Variants in FASN observed in about 807,000 individuals in gnomAD.
FASN encodes the protein 3-hydroxyacyl-[acyl-carrier-protein] dehydratase.
Under a neutral mutation model 250.0 loss-of-function variants are expected in FASN, and 50 were observed. That is an observed-to-expected ratio of 0.20 (90% CI 0.16 to 0.25). The LOEUF is 0.25. Ranked by LOEUF, FASN falls within the 10% of genes least tolerant of loss-of-function variation. FASN has a pLI of 1.00. For missense variants in FASN, 3,031 were observed against 3,498.5 expected (o/e 0.87, Z 3.37); for synonymous variants, 1,909 against 1,584.0 (o/e 1.21, Z -4.87).
At chr17:82,098,012 G>C (rs867510633) in intron 1 of FASN, 109 bp downstream of exon 1, 19 of 303,770 alleles carry the variant, frequency 6.3e-5, no homozygotes, top group Non-Finnish European at 9.7e-5. Context: ...TACGGGGCCG[G>C]GCCACGCGCG....
At chr17:82,096,987 G>A (rs528663696) in intron 1 of FASN, 123 of 238,060 alleles carry the variant, frequency 5.2e-4, no homozygotes, top group South Asian at 1.7e-3. Flanking sequence ...CCTAGAGGGG[G>A]GTACTCAGCA....
At chr17:82,088,589 ACACCCGT>A in intron 15 of FASN, 27 bp from the exon 16 acceptor site, 1 of 1,598,320 alleles carries the variant, frequency 6.3e-7, no homozygotes, top group Non-Finnish European at 8.5e-7. Flanking sequence ...CATGGGTAGC[ACACCCGT>A]CACCGGGGTC....
rs763181546 is a variant in FASN at position 82,082,415 on chromosome 17, C to G, written c.5920-1G>C. On this transcript the variant is annotated splice_acceptor_variant, in intron 34 of 42. Coordinates refer to ENST00000306749, the MANE Select transcript of FASN (RefSeq NM_004104.5). LOFTEE classifies it high-confidence loss of function. ...TCTCCAGCAAGCCATCTCTCAAGAC[C>G]TGGGGGAGGCATCCTCAGCACTCCC... The G allele has an allele frequency of 6.2e-7, 1 of 1,612,748 alleles. No individual in the cohort carries two copies. The highest frequency in any genetic ancestry group is 1.7e-5 in the Admixed American group (1 of 60,024).
rs900599673 is a variant in FASN, at chr17:82,084,792, G to A, written c.4564+7C>T. On this transcript the variant is annotated splice_region_variant and intron_variant, in intron 26 of 42. Coordinates refer to ENST00000306749, the MANE Select transcript of FASN (RefSeq NM_004104.5). ...CCGGGAGGGGCAGGGCAGTGTCGGG[G>A]GCTCACCCTCCTCCAGCAGGAAGTG... 2 of 1,550,120 alleles carry A rather than the reference G, an allele frequency of 1.3e-6. No individual in the cohort carries two copies. The highest frequency in any genetic ancestry group is 1.7e-6 in the Non-Finnish European group (2 of 1,146,996).
chr17:82,096,286 A>G (rs1598585891), intron 2 of FASN, 33 bp downstream of exon 2: 3 of 1,609,080 alleles, frequency 1.9e-6, no homozygotes, highest in Non-Finnish European at 2.5e-6. Context: ...GGAGCTTCAC[A>G]CCCCAGGCAC....
chr17:82,094,063 C>T (rs556285186), intron 3 of FASN: 37 of 515,548 alleles, frequency 7.2e-5, no homozygotes, highest in East Asian at 5.0e-4. Flanking sequence ...GCACCAGGCA[C>T]GGCCAGAGTG....
In FASN at chr17:82,083,599, C is replaced by T. The variant is rs75603975; in HGVS notation, c.5259G>A (p.Leu1753=). The T allele has an allele frequency of 3.6e-4, 583 of 1,611,986 alleles. 1 individual carries two copies. In the African/African-American group the frequency reaches 6.9e-3, roughly 19 times the overall value. ...LVLNSLAEEK[L]QASVRCLATH... ...TAGCCAAGCACCTCACGCTGGCCTG[C>T]AGCTTCTCTTCCGCCAAGGAGTTCA... The change falls in exon 31 of 43, where the codon CTG becomes CTA. Residue 1753 remains leucine, a synonymous_variant. Coordinates refer to ENST00000306749, the MANE Select transcript of FASN (RefSeq NM_004104.5).
In FASN at chr17:82,090,531, G is replaced by A. The variant is rs2034186005; in HGVS notation, c.1714C>T (p.Leu572=). ...TGGCCGACGATGCCATCTGGCCTCA[G>A]CCCCATGCAGCTCAGCAGGTCTATG... ...GLIDLLSCMG[L]RPDGIVGHSL... Residue 572 remains leucine (L), a synonymous_variant, in exon 11 of 43, where the codon CTG becomes TTG. Coordinates refer to ENST00000306749, the MANE Select transcript of FASN (RefSeq NM_004104.5). The A allele has an allele frequency of 6.2e-7, 1 of 1,611,998 alleles. No individual in the cohort carries two copies. Among genetic ancestry groups the A allele is most frequent in the Non-Finnish European group, 8.5e-7 (1 of 1,179,634 alleles).
rs762797259 is a variant in FASN, at chr17:82,087,037, G to A, written c.3427+13C>T. ...GCCAGAGGTGTCCGAAGCCAGCAGG[G>A]CTGGGACCTCACCCTTGCACAGTTG... On this transcript the variant is annotated intron_variant, in intron 21 of 42. Coordinates refer to ENST00000306749, the MANE Select transcript of FASN (RefSeq NM_004104.5). 1 of 1,610,546 alleles carries A rather than the reference G, an allele frequency of 6.2e-7. No homozygotes were observed. Among genetic ancestry groups the A allele is most frequent in the African/African-American group, 1.3e-5 (1 of 74,986 alleles).
At position 82,087,203 on chromosome 17, in the gene FASN, C is replaced by T. The variant is rs771821775; in HGVS notation, c.3274G>A (p.Val1092Ile). 1.4e-5 allele frequency: 23 copies of T among 1,605,144 alleles called. No individual in the cohort carries two copies. In the Admixed American group the frequency reaches 1.6e-4, roughly 11 times the overall value. Residue 1092 changes from valine (V) to isoleucine (I), a missense_variant, in exon 21 of 43, where the codon GTC becomes ATC. By Grantham distance (29) the Val-to-Ile change is conservative. Transcript: ENST00000306749. ...RWLRVTVAGG[V>I]HISGLHTESA... ...TCAGTGTGGAGCCCGGAGATGTGGACGCCTCCGGCCACTGTGACCCTCAGC... is the reference window on the plus strand; with the variant it reads ...TCAGTGTGGAGCCCGGAGATGTGGATGCCTCCGGCCACTGTGACCCTCAGC...
chr17:82,082,252 A>G, intron 35 of FASN, 71 bp downstream of exon 35: 1 of 1,604,712 alleles, frequency 6.2e-7, no homozygotes, highest in Non-Finnish European at 8.5e-7. Flanking sequence ...GCTGTCAACA[A>G]ACCACCTTGG....
chr17:82,078,362 T>C lies in FASN; in HGVS notation c.*781A>G, dbSNP rs1285600387. ...GTGGAGATCACATGCGGTTTAATTG[T>C]GGGAGGCTGAGAGCAGCATTTTTAC... On this transcript the variant is annotated 3_prime_UTR_variant, in exon 43 of 43. Coordinates refer to ENST00000306749, the MANE Select transcript of FASN (RefSeq NM_004104.5). The surrounding 1 kb of genome is among the most constrained non-coding windows in gnomAD (Gnocchi z 5.4). The C allele has an allele frequency of 6.6e-6, 1 of 152,256 alleles. No homozygotes were observed. Among genetic ancestry groups the C allele is most frequent in the Non-Finnish European group, 1.5e-5 (1 of 68,072 alleles). The allele number at this position is 152,256 out of a possible 1,614,324, so 9.4% of individuals were successfully genotyped here.
chr17:82,084,247 C>G lies in FASN; in HGVS notation c.4906G>C (p.Val1636Leu). ...VLLSPDFLWDVPSNWTLEEAA... is the reference protein window; with the variant it reads ...VLLSPDFLWDLPSNWTLEEAA... The stretch of plus-strand genomic sequence containing the variant: ...CGACACACTCACCAGTTGGAAGGCA[C>G]ATCCCAGAGGAAGTCCGGTGACAGC... The change falls in exon 28 of 43, where the codon GTG becomes CTG. Residue 1636 changes from valine to leucine, a missense_variant. Val to Leu is a conservative substitution (Grantham distance 32, BLOSUM62 1). Coordinates refer to ENST00000306749, the MANE Select transcript of FASN (RefSeq NM_004104.5). 1.9e-6 allele frequency: 3 copies of G among 1,612,030 alleles called. No homozygotes were observed. The highest frequency in any genetic ancestry group is 2.5e-6 in the Non-Finnish European group (3 of 1,179,600).
Position 82,085,570 on chromosome 17 carries a change from T to G in FASN, c.4034A>C (p.His1345Pro), listed in dbSNP as rs753926969. Residue 1345 changes from histidine to proline, a missense_variant, in exon 23 of 43, where the codon CAC becomes CCC. His to Pro is a moderately conservative substitution (Grantham distance 77). Transcript: ENST00000306749. Reference sequence around the variant, plus strand: ...GAGGGGGTGCCCCCGGAGCAGTGTGTGCAGGAGCAGAAAGCCCCCTTCTCT... The same window carrying G: ...GAGGGGGTGCCCCCGGAGCAGTGTGGGCAGGAGCAGAAAGCCCCCTTCTCT... The part of the protein sequence containing the change: ...ALREGGFLLL[H>P]TLLRGHPLGD... The G allele has an allele frequency of 6.3e-7, 1 of 1,596,608 alleles. No individual in the cohort carries two copies.
rs200411727 is a variant in FASN at position 82,087,361 on chromosome 17, T to A, written c.3187A>T (p.Arg1063Trp). Residue 1063 changes from arginine to tryptophan, a missense_variant, in exon 20 of 43, where the codon AGG becomes TGG. By Grantham distance (101) the Arg-to-Trp change is moderately radical (BLOSUM62 -3). Coordinates refer to ENST00000306749, the MANE Select transcript of FASN (RefSeq NM_004104.5). ...TAIHIDPATHRQKLYTLQDKA... is the reference protein window; with the variant it reads ...TAIHIDPATHWQKLYTLQDKA... Reference sequence around the variant, plus strand: ...TCCTGCAGTGTGTACAGCTTCTGCCTGTGGGTGGCAGGGTCGATGTGGATG... The same window carrying A: ...TCCTGCAGTGTGTACAGCTTCTGCCAGTGGGTGGCAGGGTCGATGTGGATG... 1 of 1,612,414 alleles carries A rather than the reference T, an allele frequency of 6.2e-7. No individual in the cohort carries two copies.
intron 8 of FASN, among the ~76,000 whole-genome samples, chr17:82,091,987 T>C (rs2034218447): frequency 6.6e-6 from 1 of 152,206 alleles, no homozygotes; most frequent in Admixed American, 6.5e-5. Context: ...AGATGTTGCA[T>C]CTCAGAGGCT....
chr17:82,083,351 C>T lies in FASN; in HGVS notation c.5416G>A (p.Asp1806Asn), dbSNP rs1230359553. 1 of 1,612,736 alleles carries T rather than the reference C, an allele frequency of 6.2e-7. No homozygotes were observed. The highest frequency in any genetic ancestry group is 2.2e-5 in the East Asian group (1 of 44,892). Reference protein sequence around the residue: ...LDAFFNESSADWREVWALVQA... With the variant: ...LDAFFNESSANWREVWALVQA... ...ACAAGCGCCCACACCTCCCGCCAGT[C>T]AGCACTGCTCTCGTTGAAGAACGCA... The change falls in exon 32 of 43, where the codon GAC (aspartate) becomes AAC (asparagine). Residue 1806 changes from aspartate to asparagine, a missense_variant. Coordinates refer to ENST00000306749, the MANE Select transcript of FASN (RefSeq NM_004104.5).
At position 82,084,374 on chromosome 17, in the gene FASN, G is replaced by A. The variant is rs1229005803; in HGVS notation, c.4779C>T (p.Thr1593=). ...LSPDAIPGKW[T]SQDSLLGMEF... Reference sequence around the variant, plus strand: ...CCATACCTAGCAGGCTGTCCTGGGAGGTCCACTTCCCTGGGGGAGACGGCA... The same window carrying A: ...CCATACCTAGCAGGCTGTCCTGGGAAGTCCACTTCCCTGGGGGAGACGGCA... The change falls in exon 28 of 43, where the codon ACC becomes ACT. Residue 1593 remains threonine, a synonymous_variant. Coordinates refer to ENST00000306749, the MANE Select transcript of FASN (RefSeq NM_004104.5). The A allele has an allele frequency of 6.2e-7, 1 of 1,606,760 alleles. No homozygotes were observed. Among genetic ancestry groups the A allele is most frequent in the Non-Finnish European group, 8.5e-7 (1 of 1,177,412 alleles).
Position 82,082,102 on chromosome 17 carries a change from A to G in FASN, c.6070T>C (p.Cys2024Arg). The G allele has an allele frequency of 6.2e-7, 1 of 1,608,838 alleles. No homozygotes were observed. The highest frequency in any genetic ancestry group is 8.5e-7 in the Non-Finnish European group (1 of 1,179,974). The change falls in exon 36 of 43, where the codon TGC becomes CGC. Residue 2024 changes from cysteine to arginine, a missense_variant. Coordinates refer to ENST00000306749, the MANE Select transcript of FASN (RefSeq NM_004104.5). ...DYFVVFSSVS[C>R]GRGNAGQSNY... ...CTCTGTCCCGCATTGCCACGCCCGC[A>G]GCTCACAGAGGAGAAGACCACAAAG...
Sources: allele counts gnomAD v4.1 joint callset (sites outside exome capture counted in the v4.1 genomes callset), GRCh38; gene constraint gnomAD v4.1.1; non-coding constraint Gnocchi (gnomAD v3.1); transcripts MANE v1.5; gene names NCBI Gene and HGNC (gene_info 2026-07-23, HGNC 2026-07-21).